Variants in ZFYVE28 observed in about 807,000 individuals in gnomAD.
The protein encoded by ZFYVE28 is zinc finger FYVE-type containing 28, also known as lateral signaling target protein 2 homolog.
Under a neutral mutation model 82.1 loss-of-function variants are expected in ZFYVE28, and 40 were observed. That is an observed-to-expected ratio of 0.49 (90% CI 0.38 to 0.63). The LOEUF (loss-of-function observed/expected upper bound fraction) is 0.63. Ranked by LOEUF, ZFYVE28 falls within the 30% of genes least tolerant of loss-of-function variation. ZFYVE28 has a pLI of 0.00. For synonymous variants in ZFYVE28, 612 were observed against 546.1 expected (o/e 1.12, Z -1.68); for missense variants, 1,321 against 1,242.1 (o/e 1.06, Z -0.96).
chr4:2,381,212 G>A (rs1190974136), intron 1 of ZFYVE28, among the ~76,000 whole-genome samples: 1 of 152,212 alleles, frequency 6.6e-6, no homozygotes, highest in Non-Finnish European at 1.5e-5. Context: ...TTAGCGAAGA[G>A]ACTGGCAGCA....
At chr4:2,302,155 G>A (rs1035534108) in intron 8 of ZFYVE28, among the ~76,000 whole-genome samples, 1 of 152,244 alleles carries the variant, frequency 6.6e-6, no homozygotes, top group Non-Finnish European at 1.5e-5. Context: ...ATACGCGGGT[G>A]TGTATCTGAA....
At chr4:2,354,492 C>G (rs1724950018) in intron 1 of ZFYVE28, among the ~76,000 whole-genome samples, 1 of 135,012 alleles carries the variant, frequency 7.4e-6, no homozygotes, top group Non-Finnish European at 1.5e-5. Context: ...GAGTTTCACT[C>G]TTGTTGCACA....
intron 8 of ZFYVE28, among the ~76,000 whole-genome samples, chr4:2,293,851 A>G (rs188197956): frequency 5.9e-5 from 9 of 152,170 alleles, no homozygotes; most frequent in Admixed American, 4.6e-4. Context: ...AAACAAACCA[A>G]TTGACAATGG....
rs1735756895 is a variant in ZFYVE28 at position 2,269,674 on chromosome 4, A to G, written c.*1051T>C. The G allele has an allele frequency of 6.6e-6, 1 of 152,080 alleles. No individual in the cohort carries two copies. Among genetic ancestry groups the G allele is most frequent in the South Asian group, 2.1e-4 (1 of 4,832 alleles). 9.4% of individuals were successfully genotyped at this position (152,080 alleles called of 1,614,324 possible). On this transcript the variant is annotated 3_prime_UTR_variant, in exon 13 of 13. Coordinates refer to ENST00000290974, the MANE Select transcript of ZFYVE28 (RefSeq NM_020972.3). The stretch of plus-strand genomic sequence containing the variant: ...AATAAATATAATCTCAATACATAAT[A>G]TTTCCTCCATTATATACTCTCCCCC...
At chr4:2,411,643 G>T (rs1341547241) in intron 1 of ZFYVE28, among the ~76,000 whole-genome samples, 1 of 152,204 alleles carries the variant, frequency 6.6e-6, no homozygotes, top group Non-Finnish European at 1.5e-5. Flanking sequence ...GTAAATCCCA[G>T]CCCTGCTTCC....
chr4:2,324,386 G>A (rs1375098214), intron 6 of ZFYVE28: 1 of 152,562 alleles, frequency 6.6e-6, no homozygotes, highest in Non-Finnish European at 1.5e-5. Flanking sequence ...GTGCGTTTCA[G>A]AGGACAGGGA....
intron 7 of ZFYVE28, among the ~76,000 whole-genome samples, chr4:2,308,740 G>A (rs989954565): frequency 2.7e-5 from 4 of 149,808 alleles, no homozygotes; most frequent in Non-Finnish European, 4.5e-5. Context: ...GAAAAGAAAG[G>A]AAGGAAGGAA....
At chr4:2,398,690 T>TG (rs1491069343) in intron 1 of ZFYVE28, among the ~76,000 whole-genome samples, 2 of 10,234 alleles carry the variant, frequency 2.0e-4, no homozygotes, top group Non-Finnish European at 3.7e-4. Context: ...CAGGGCACAA[T>TG]GGGGGGTCGA....
rs116186714 is a variant in ZFYVE28, at chr4:2,272,619, C to G, written c.2323+554G>C. 5.6e-3 allele frequency among the ~76,000 whole-genome samples: 853 copies of G among 152,342 alleles called. 6 individuals carry two copies. Among genetic ancestry groups the G allele is most frequent in the African/African-American group, 0.019 (803 of 41,570 alleles). ...ATGGCTGTGAGAGCATGCCTGTGTG[C>G]TTCTGCTGTGTCAAGCATGTGTGAT... On this transcript the variant is annotated intron_variant, in intron 10 of 12. Coordinates refer to ENST00000290974, the MANE Select transcript of ZFYVE28 (RefSeq NM_020972.3).
intron 1 of ZFYVE28, among the ~76,000 whole-genome samples, chr4:2,369,850 C>CTTTTTTT (rs1408650676): frequency 2.6e-4 from 16 of 61,032 alleles, no homozygotes; most frequent in Non-Finnish European, 3.9e-4. Flanking sequence ...TTTTTCTTTT[C>CTTTTTTT]TTTTTTTTTT....
At chr4:2,310,583 T>G (rs1035305316) in intron 7 of ZFYVE28, among the ~76,000 whole-genome samples, 2 of 152,032 alleles carry the variant, frequency 1.3e-5, no homozygotes, top group African/African-American at 4.8e-5. Context: ...GCAGTCAGAT[T>G]GCTTGAGCCC....
In ZFYVE28 at chr4:2,282,140, G is replaced by A. The variant is rs116124699; in HGVS notation, c.2052-7924C>T. Among the ~76,000 whole-genome samples the A allele has an allele frequency of 3.6e-3, 553 of 152,288 alleles. 6 individuals are homozygous for A. Among genetic ancestry groups the A allele is most frequent in the African/African-American group, 0.013 (531 of 41,538 alleles). On this transcript the variant is annotated intron_variant, in intron 8 of 12. Coordinates refer to ENST00000290974, the MANE Select transcript of ZFYVE28 (RefSeq NM_020972.3). ...CAACGTCACTTCAGCATGTTCACCC[G>A]GATGTCTAAAAGTCCAGCCACCTTC... is the stretch of plus-strand genomic sequence containing the variant.
At chr4:2,371,679 A>G (rs1727569837) in intron 1 of ZFYVE28, among the ~76,000 whole-genome samples, 1 of 152,224 alleles carries the variant, frequency 6.6e-6, no homozygotes, top group South Asian at 2.1e-4. Context: ...AAAAACAGAA[A>G]ACAAAAGAGT....
Position 2,306,787 on chromosome 4 carries a change from T to A in ZFYVE28, c.804-1251A>T, listed in dbSNP as rs538220598. 1.1e-3 allele frequency: 166 copies of A among 152,290 alleles called. 1 individual carries two copies. Among genetic ancestry groups the A allele is most frequent in the African/African-American group, 3.7e-3 (153 of 41,508 alleles). 9.4% of individuals were successfully genotyped at this position (152,290 alleles called of 1,614,324 possible). A position where few individuals can be genotyped will look rare whatever the true frequency, so the allele number is the denominator to read the frequency against. On this transcript the variant is annotated intron_variant, in intron 7 of 12. Coordinates refer to ENST00000290974, the MANE Select transcript of ZFYVE28 (RefSeq NM_020972.3). ...GATCTGGCAACGCTATTTCGTAAGA[T>A]TCACCCATCATAAAGCACGTTGCCA...
intron 7 of ZFYVE28, among the ~76,000 whole-genome samples, chr4:2,305,857 A>T (rs947448236): frequency 6.6e-6 from 1 of 152,166 alleles, no homozygotes; most frequent in African/African-American, 2.4e-5. Context: ...ATGAATAAAA[A>T]CTCTAAGGAG....
chr4:2,305,300 C>G lies in ZFYVE28; in HGVS notation c.1040G>C (p.Arg347Pro). The change falls in exon 8 of 13, where the codon CGC becomes CCC. Residue 347 changes from arginine to proline, a missense_variant. Physicochemically the swap from Arg to Pro is moderately radical, Grantham distance 103. This residue lies in a region of ZFYVE28 where 978 missense variants were observed against 833.7 expected (regional missense o/e 1.17). Coordinates refer to ENST00000290974, the MANE Select transcript of ZFYVE28 (RefSeq NM_020972.3). ...CTCGTCCCCCGCCCTGTGGACCATGCGGCTGAGCTGCTCCAGCTCCTGGTC... is the reference window on the plus strand; with the variant it reads ...CTCGTCCCCCGCCCTGTGGACCATGGGGCTGAGCTGCTCCAGCTCCTGGTC... The part of the protein sequence containing the change: ...YDDQELEQLS[R>P]MVHRAGDEMS... 6.2e-7 allele frequency: 1 copy of G among 1,613,114 alleles called. No individual in the cohort carries two copies. The highest frequency in any genetic ancestry group is 8.5e-7 in the Non-Finnish European group (1 of 1,180,010).
Position 2,271,724 on chromosome 4 carries a change from G to C in ZFYVE28, c.2379C>G (p.Thr793=). 1 of 1,613,936 alleles carries C rather than the reference G, an allele frequency of 6.2e-7. No individual in the cohort carries two copies. The highest frequency in any genetic ancestry group is 1.3e-5 in the African/African-American group (1 of 75,054). ...ALEDCALCQE[T]LSSSELAAKT... is the part of the protein sequence containing the mutation. ...TGGCTGCCAGTTCAGAGGATGACAG[G>C]GTCTCCTGGCACAGTGCACAGTCCT... The change falls in exon 11 of 13, where the codon ACC becomes ACG. Residue 793 remains threonine (T), a synonymous_variant. Coordinates refer to ENST00000290974, the MANE Select transcript of ZFYVE28 (RefSeq NM_020972.3).
chr4:2,410,620 T>C (rs1317612871), intron 1 of ZFYVE28, among the ~76,000 whole-genome samples: 2 of 152,034 alleles, frequency 1.3e-5, no homozygotes, highest in Admixed American at 6.6e-5. Context: ...CTCAGCCTCC[T>C]GAGTAGCTGG....
intron 1 of ZFYVE28, among the ~76,000 whole-genome samples, chr4:2,356,768 C>T (rs1414181694): frequency 6.6e-6 from 1 of 152,214 alleles, no homozygotes; most frequent in Non-Finnish European, 1.5e-5. Context: ...GCCCAAAAGG[C>T]CCCTCCTGGC....
Sources: gnomAD v4.1 joint callset for allele counts (sites outside exome capture counted in the v4.1 genomes callset) on GRCh38, gnomAD v4.1.1 for gene constraint, gnomAD v4.1.1 regional missense constraint, MANE v1.5 for transcripts, NCBI Gene and HGNC (gene_info 2026-07-23, HGNC 2026-07-21) for gene names.